Variants in SEMA5A observed in about 807,000 individuals in gnomAD.
The protein encoded by SEMA5A is semaphorin-5A.
In SEMA5A, 55 loss-of-function variants were observed where a neutral mutation model predicts 135.5. The observed-to-expected ratio is 0.41, with a 90% CI of 0.33 to 0.51. The LOEUF is 0.51. Ranked by LOEUF, SEMA5A falls within the 20% of genes least tolerant of loss-of-function variation. The pLI is 0.37. For synonymous variants in SEMA5A, 580 were observed against 546.5 expected, an observed-to-expected ratio of 1.06 and a Z score of -0.85; for missense variants, 1,290 against 1,419.9, an observed-to-expected ratio of 0.91 and a Z score of 1.47.
At chr5:9,043,190 C>A in intron 22 of SEMA5A, 174 bp from the exon 23 acceptor site, 2 of 576,762 alleles carry the variant, frequency 3.5e-6, no homozygotes, top group Non-Finnish European at 5.8e-6. Context: ...GGAGGACTTG[C>A]CTAATTACCA....
chr5:9,244,720 C>G (rs1400107205), intron 5 of SEMA5A, among the ~76,000 whole-genome samples: 1 of 152,176 alleles, frequency 6.6e-6, no homozygotes, highest in African/African-American at 2.4e-5. Context: ...ATGCCCTGCA[C>G]CCATGCCCTT....
At chr5:9,100,959 T>TG (rs1348206038) in intron 16 of SEMA5A, among the ~76,000 whole-genome samples, 3 of 151,912 alleles carry the variant, frequency 2.0e-5, no homozygotes, top group South Asian at 4.2e-4. Context: ...GAGGAGAAAG[T>TG]GAAAAAAAAG....
intron 11 of SEMA5A, among the ~76,000 whole-genome samples, chr5:9,183,540 T>C (rs778009105): frequency 2.0e-5 from 3 of 152,176 alleles, no homozygotes; most frequent in Non-Finnish European, 4.4e-5. Flanking sequence ...CAGGAATCTG[T>C]CAGCCACGGG....
intron 5 of SEMA5A, among the ~76,000 whole-genome samples, chr5:9,307,524 T>C (rs114645690): frequency 6.6e-6 from 1 of 152,146 alleles, no homozygotes; most frequent in South Asian, 2.1e-4. Flanking sequence ...CTTTGCTTTT[T>C]ATTTTCACTT....
chr5:9,284,689 G>T (rs1750707979), intron 5 of SEMA5A, among the ~76,000 whole-genome samples: 1 of 152,080 alleles, frequency 6.6e-6, no homozygotes, highest in African/African-American at 2.4e-5. Flanking sequence ...CAAAATCCCT[G>T]ATCATGGGCT....
intron 8 of SEMA5A, among the ~76,000 whole-genome samples, chr5:9,206,487 C>T (rs959386142): frequency 3.3e-5 from 5 of 151,750 alleles, no homozygotes; most frequent in South Asian, 2.1e-4. Flanking sequence ...TTTGAGATTT[C>T]GACCACGCAA....
chr5:9,308,726 G>T (rs955742669), intron 5 of SEMA5A, among the ~76,000 whole-genome samples: 1 of 152,108 alleles, frequency 6.6e-6, no homozygotes, highest in Non-Finnish European at 1.5e-5. Flanking sequence ...ACACACCCAG[G>T]TCCAAATCCT....
chr5:9,160,539 C>T (rs183531914), intron 11 of SEMA5A, among the ~76,000 whole-genome samples: 1 of 152,306 alleles, frequency 6.6e-6, no homozygotes, highest in Admixed American at 6.5e-5. Context: ...TGTCACCAGA[C>T]CAACTCTCGA....
chr5:9,536,278 G>A (rs1169877293), intron 1 of SEMA5A, among the ~76,000 whole-genome samples: 2 of 152,048 alleles, frequency 1.3e-5, no homozygotes, highest in East Asian at 3.9e-4. Flanking sequence ...TGATAGATGG[G>A]GGAAAAGTCA....
At chr5:9,166,078 C>T (rs150720983) in intron 11 of SEMA5A, among the ~76,000 whole-genome samples, 1 of 152,050 alleles carries the variant, frequency 6.6e-6, no homozygotes, top group East Asian at 1.9e-4. Flanking sequence ...GATAGTCAGT[C>T]GGTTTAAACT....
At chr5:9,492,944 G>A (rs1735099986) in intron 1 of SEMA5A, among the ~76,000 whole-genome samples, 1 of 152,284 alleles carries the variant, frequency 6.6e-6, no homozygotes, top group Middle Eastern at 3.4e-3. Context: ...GTGGATGCAT[G>A]TCATTACACA....
chr5:9,135,845 A>G (rs76623644), intron 13 of SEMA5A, among the ~76,000 whole-genome samples: 1 of 152,250 alleles, frequency 6.6e-6, no homozygotes, highest in Non-Finnish European at 1.5e-5. Flanking sequence ...ACAAAAAAAA[A>G]GCAAAAAATA....
In SEMA5A at chr5:9,036,436, C is replaced by G. The variant is rs1025901986; in HGVS notation, c.*6461G>C. On this transcript the variant is annotated 3_prime_UTR_variant, in exon 23 of 23. Transcript: ENST00000382496. Reference sequence around the variant, plus strand: ...TCACTGTATCTATACCAGTTGTCACCAGCCTGTGTCTGATTTTCCTCTATC... The same window carrying G: ...TCACTGTATCTATACCAGTTGTCACGAGCCTGTGTCTGATTTTCCTCTATC... 6.6e-6 allele frequency: 1 copy of G among 152,116 alleles called. No homozygotes were observed. The highest frequency in any genetic ancestry group is 1.5e-5 in the Non-Finnish European group (1 of 68,010). The allele number at this position is 152,116 out of a possible 1,614,324, so 9.4% of individuals were successfully genotyped here.
chr5:9,088,355 A>G (rs1738826887), intron 16 of SEMA5A, among the ~76,000 whole-genome samples: 1 of 150,652 alleles, frequency 6.6e-6, no homozygotes, highest in Non-Finnish European at 1.5e-5. Flanking sequence ...TTAATTTCTT[A>G]ATTTTCCTAT....
chr5:9,092,762 T>C (rs1026814741), intron 16 of SEMA5A, among the ~76,000 whole-genome samples: 2 of 152,124 alleles, frequency 1.3e-5, no homozygotes, highest in African/African-American at 4.8e-5. Flanking sequence ...CAAGAGTAGA[T>C]AAGAACAATA....
At chr5:9,069,719 T>A (rs190628211) in intron 16 of SEMA5A, among the ~76,000 whole-genome samples, 3 of 152,348 alleles carry the variant, frequency 2.0e-5, no homozygotes, top group Admixed American at 6.5e-5. Flanking sequence ...CCGGCCTGCA[T>A]GATCTCTACA....
intron 14 of SEMA5A, 49 bp from the exon 15 acceptor site, chr5:9,119,190 C>T (rs766650073): frequency 6.3e-7 from 1 of 1,594,308 alleles, no homozygotes; most frequent in South Asian, 1.1e-5. Context: ...GGCTCAGAGT[C>T]CAAGCCCTGT....
intron 2 of SEMA5A, among the ~76,000 whole-genome samples, chr5:9,412,033 C>T (rs1757116914): frequency 6.6e-6 from 1 of 152,126 alleles, no homozygotes; most frequent in Admixed American, 6.6e-5. Context: ...TAAAATATCA[C>T]CACTCATCAC....
At chr5:9,233,895 C>G (rs567505185) in intron 6 of SEMA5A, among the ~76,000 whole-genome samples, 8 of 151,622 alleles carry the variant, frequency 5.3e-5, no homozygotes, top group African/African-American at 1.9e-4. Flanking sequence ...TGCAGAAGCA[C>G]AGACCACTTT....
Sources: allele counts gnomAD v4.1 joint callset (sites outside exome capture counted in the v4.1 genomes callset), GRCh38; gene constraint gnomAD v4.1.1; transcripts MANE v1.5; gene names NCBI Gene and HGNC (gene_info 2026-07-23, HGNC 2026-07-21).